Variants in GPR89B observed in about 807,000 individuals in gnomAD.
GPR89B encodes golgi pH regulator B, also known as G protein-coupled receptor 89B.
A neutral mutation model predicts 52.4 loss-of-function variants in GPR89B; 25 were observed. That is an observed-to-expected ratio of 0.48 (90% CI 0.35 to 0.67). The LOEUF is 0.67. Ranked by LOEUF, GPR89B falls within the 30% of genes least tolerant of loss-of-function variation. The pLI, the probability that GPR89B is intolerant of heterozygous loss-of-function variation, is 0.01. For missense variants in GPR89B, 146 were observed against 450.2 expected (o/e 0.32, Z 6.11); for synonymous variants, 52 against 151.2 (o/e 0.34, Z 4.81).
intron 12 of GPR89B, among the ~76,000 whole-genome samples, chr1:147,990,131 T>C (rs1207199477): frequency 3.9e-5 from 6 of 152,210 alleles, no homozygotes; most frequent in Admixed American, 6.5e-5. Flanking sequence ...ACCTGTTGTT[T>C]CCTGACTTTT....
chr1:147,934,326 A>C (rs1553247532), intron 1 of GPR89B, among the ~76,000 whole-genome samples: 1 of 152,088 alleles, frequency 6.6e-6, no homozygotes, highest in African/African-American at 2.4e-5. Context: ...ACAGGCATGC[A>C]CCACCATAGC....
intron 1 of GPR89B, among the ~76,000 whole-genome samples, chr1:147,934,637 G>A (rs1553247565): frequency 6.6e-6 from 1 of 152,108 alleles, no homozygotes; most frequent in Non-Finnish European, 1.5e-5. Flanking sequence ...TTCGGCTCGG[G>A]CATTATCTTC....
the GPR89B span, among the ~76,000 whole-genome samples, chr1:148,015,293 ATCTCTCTCTCTCTC>A: frequency 7.0e-4 from 49 of 69,880 alleles, 2 homozygotes; most frequent in African/African-American, 1.2e-3. Flanking sequence ...GGATTCTAGG[ATCTCTCTCTCTCTC>A]TCTCTCTCTC....
intron 7 of GPR89B, among the ~76,000 whole-genome samples, chr1:147,957,007 G>A (rs2149063211): frequency 6.6e-6 from 1 of 151,976 alleles, no homozygotes. Flanking sequence ...CCAAAGTGCT[G>A]GGATTACAGG....
At chr1:147,983,370 A>G (rs1204267233) in intron 10 of GPR89B, among the ~76,000 whole-genome samples, 2 of 152,080 alleles carry the variant, frequency 1.3e-5, no homozygotes, top group East Asian at 3.9e-4. Flanking sequence ...AAAAGAAACT[A>G]CCATCAGAGT....
the GPR89B span, among the ~76,000 whole-genome samples, chr1:148,017,558 C>T: frequency 2.0e-5 from 3 of 149,918 alleles, no homozygotes; most frequent in Non-Finnish European, 3.0e-5. Context: ...CATGGTGAAA[C>T]CCCGTCTCTA....
At chr1:147,990,460 C>T (rs1213335063) in intron 12 of GPR89B, among the ~76,000 whole-genome samples, 3 of 152,090 alleles carry the variant, frequency 2.0e-5, no homozygotes, top group Admixed American at 6.6e-5. Flanking sequence ...TCATTAGATC[C>T]CATTTGTCAA....
intron 5 of GPR89B, among the ~76,000 whole-genome samples, chr1:147,945,764 A>T (rs1486806120): frequency 1.3e-5 from 2 of 149,372 alleles, no homozygotes; most frequent in Non-Finnish European, 3.0e-5. Flanking sequence ...TCTCACTCTC[A>T]CCCAGGCTGG....
At chr1:148,022,356 GAT>G in the GPR89B span, among the ~76,000 whole-genome samples, 1 of 151,144 alleles carries the variant, frequency 6.6e-6, no homozygotes, top group Non-Finnish European at 1.5e-5. Flanking sequence ...AGAGAGAATT[GAT>G]ATAGTTTCTT....
chr1:148,012,153 TTCTTC>T, the GPR89B span: 6 of 152,218 alleles, frequency 3.9e-5, no homozygotes, highest in African/African-American at 1.4e-4. Flanking sequence ...ACCACTAAGG[TTCTTC>T]TCTTCACTTG....
At chr1:147,946,387 G>A (rs1327200266) in intron 5 of GPR89B, among the ~76,000 whole-genome samples, 1 of 152,006 alleles carries the variant, frequency 6.6e-6, no homozygotes, top group African/African-American at 2.4e-5. Flanking sequence ...TCTCCAAAGT[G>A]GTAGATGAGT....
chr1:148,019,963 G>C, the GPR89B span, among the ~76,000 whole-genome samples: 7 of 151,774 alleles, frequency 4.6e-5, no homozygotes, highest in Non-Finnish European at 1.5e-5. Flanking sequence ...TAGGAGGAGA[G>C]AAGCTCAATT....
At chr1:148,002,454 A>G in the GPR89B span, among the ~76,000 whole-genome samples, 21 of 152,176 alleles carry the variant, frequency 1.4e-4, no homozygotes, top group East Asian at 5.8e-4. Flanking sequence ...ATCCATCTTG[A>G]TGCACATTCC....
At chr1:147,968,064 T>C (rs1176051457) in intron 8 of GPR89B, 1 of 352,534 alleles carries the variant, frequency 2.8e-6, no homozygotes, top group Non-Finnish European at 5.6e-6. Context: ...GAAGGGGCTA[T>C]ATTTACTATG....
At chr1:147,960,315 T>C (rs1656437879) in intron 7 of GPR89B, among the ~76,000 whole-genome samples, 1 of 148,808 alleles carries the variant, frequency 6.7e-6, no homozygotes, top group Admixed American at 6.7e-5. Flanking sequence ...AAGCAGCCAA[T>C]AGATACTAAC....
At chr1:147,989,771 T>G (rs1658924773) in intron 12 of GPR89B, among the ~76,000 whole-genome samples, 1 of 152,216 alleles carries the variant, frequency 6.6e-6, no homozygotes. Flanking sequence ...TCATCTTTTT[T>G]TATGGCTGGA....
intron 10 of GPR89B, among the ~76,000 whole-genome samples, chr1:147,980,736 G>C (rs1160907128): frequency 2.8e-5 from 4 of 143,984 alleles, no homozygotes; most frequent in Middle Eastern, 3.7e-3. Flanking sequence ...GGAGAATGGC[G>C]TGAACCCGGG....
intron 11 of GPR89B, among the ~76,000 whole-genome samples, chr1:147,987,060 T>C (rs1658720354): frequency 6.6e-6 from 1 of 151,798 alleles, no homozygotes; most frequent in African/African-American, 2.4e-5. Context: ...GTGCCCCTAA[T>C]CTCAAAAGGA....
chr1:147,945,934 C>T (rs1471658236), intron 5 of GPR89B, among the ~76,000 whole-genome samples: 8 of 151,992 alleles, frequency 5.3e-5, no homozygotes, highest in Non-Finnish European at 1.5e-5. Flanking sequence ...CCACGTTGCT[C>T]AGGATGGTCT....
Sources: allele counts gnomAD v4.1 joint callset (sites outside exome capture counted in the v4.1 genomes callset), GRCh38; gene constraint gnomAD v4.1.1; transcripts MANE v1.5; gene names NCBI Gene and HGNC (gene_info 2026-07-23, HGNC 2026-07-21).